The following ADGRL3 variants were observed in gnomAD, a reference collection of about 807,000 sequenced individuals.
ADGRL3 encodes the protein adhesion G protein-coupled receptor L3, also known as calcium-independent alpha-latrotoxin receptor 3.
Under a neutral mutation model 153.5 loss-of-function variants are expected in ADGRL3, and 62 were observed. The observed-to-expected ratio is 0.40, with a 90% confidence interval of 0.33 to 0.50. ADGRL3 has a LOEUF of 0.50. Ranked by LOEUF, ADGRL3 falls within the 20% of genes least tolerant of loss-of-function variation. The probability of loss-of-function intolerance (pLI) is 0.47; values close to 1 mark genes in which losing one functional copy is unlikely to be tolerated. For synonymous variants in ADGRL3, 710 were observed against 672.5 expected (o/e 1.06, Z -0.86); for missense variants, 1,641 against 1,859.4 (o/e 0.88, Z 2.16).
chr4:61,380,236 CTCTT>C (rs1173781554), intron 1 of ADGRL3, among the ~76,000 whole-genome samples: 1 of 151,878 alleles, frequency 6.6e-6, no homozygotes, highest in South Asian at 2.1e-4. Flanking sequence ...ATGTATCTAT[CTCTT>C]TCTTTCACTT....
intron 1 of ADGRL3, among the ~76,000 whole-genome samples, chr4:61,241,429 A>G (rs1754921165): frequency 6.6e-6 from 1 of 152,196 alleles, no homozygotes; most frequent in East Asian, 1.9e-4. Context: ...ATTAGGTATC[A>G]ATATACTGAA....
intron 2 of ADGRL3, among the ~76,000 whole-genome samples, chr4:61,416,489 T>C (rs2152303626): frequency 6.6e-6 from 1 of 152,318 alleles, no homozygotes; most frequent in Non-Finnish European, 1.5e-5. Context: ...AAAAGGACAG[T>C]TGAACATTAA....
chr4:61,208,349 A>T (rs1040351447), intron 1 of ADGRL3, among the ~76,000 whole-genome samples: 42 of 152,282 alleles, frequency 2.8e-4, no homozygotes, highest in African/African-American at 1.0e-3. Flanking sequence ...CCAAATTCAC[A>T]GAAGATTATG....
chr4:62,047,454 A>G (rs1473019266), intron 25 of ADGRL3, among the ~76,000 whole-genome samples: 1 of 151,922 alleles, frequency 6.6e-6, no homozygotes, highest in Non-Finnish European at 1.5e-5. Context: ...CTACTTTTCA[A>G]TGGTATTTAT....
chr4:61,651,578 T>C (rs1178743869), intron 5 of ADGRL3, among the ~76,000 whole-genome samples: 8 of 151,946 alleles, frequency 5.3e-5, no homozygotes, highest in South Asian at 2.1e-4. Context: ...AATAAATAAA[T>C]TTTTTTTGTG....
At chr4:61,562,944 CAAAAAAAAAAAA>C (rs35146786) in intron 4 of ADGRL3, among the ~76,000 whole-genome samples, 1 of 105,982 alleles carries the variant, frequency 9.4e-6, no homozygotes, top group Non-Finnish European at 2.0e-5. Flanking sequence ...GACCCTGTCT[CAAAAAAAAAAAA>C]AAAAAAAAGG....
At chr4:61,481,410 G>T (rs1487825317) in intron 2 of ADGRL3, among the ~76,000 whole-genome samples, 2 of 151,986 alleles carry the variant, frequency 1.3e-5, no homozygotes, top group African/African-American at 4.8e-5. Flanking sequence ...ACTCTAAAAG[G>T]CCGAAAAGAG....
intron 9 of ADGRL3, among the ~76,000 whole-genome samples, chr4:61,826,559 C>T (rs2097803203): frequency 6.6e-6 from 1 of 152,142 alleles, no homozygotes. Context: ...GGACCTAAAT[C>T]ATACCACAAT....
At chr4:61,373,295 A>AT (rs2096562932) in intron 1 of ADGRL3, among the ~76,000 whole-genome samples, 1 of 152,036 alleles carries the variant, frequency 6.6e-6, no homozygotes, top group Non-Finnish European at 1.5e-5. Flanking sequence ...TTTGCTCTTG[A>AT]TTTTTTATTG....
Position 62,031,662 on chromosome 4 carries a change from C to T in ADGRL3, c.3591+52C>T, listed in dbSNP as rs535151237. 3 of 1,238,886 alleles carry T rather than the reference C, an allele frequency of 2.4e-6. No individual in the cohort carries two copies. The South Asian group carries it at 4.1e-5, about 17-fold the overall frequency. The allele number at this position is 1,238,886 out of a possible 1,614,324, so 76.7% of individuals were successfully genotyped here. A position where few individuals can be genotyped will look rare whatever the true frequency, so the allele number is the denominator to read the frequency against. Reference sequence around the variant, plus strand: ...AAAAATGGCATACATTTCATGATAGCAAAGCAGCCACAACATATTCTAATA... The same window carrying T: ...AAAAATGGCATACATTTCATGATAGTAAAGCAGCCACAACATATTCTAATA... On this transcript the variant is annotated intron_variant, in intron 23 of 26. Coordinates refer to ENST00000683033, the MANE Select transcript of ADGRL3 (RefSeq NM_001387552.1).
At chr4:61,236,953 C>T (rs765058935) in intron 1 of ADGRL3, among the ~76,000 whole-genome samples, 2 of 152,076 alleles carry the variant, frequency 1.3e-5, no homozygotes, top group African/African-American at 2.4e-5. Context: ...GATATTATTA[C>T]ATTAATATCT....
chr4:61,877,051 C>G lies in ADGRL3; in HGVS notation c.1481-15605C>G, dbSNP rs1006733998. Among the ~76,000 whole-genome samples the G allele has an allele frequency of 7.9e-5, 12 of 152,090 alleles. No individual in the cohort carries two copies. The East Asian group carries it at 2.3e-3, about 30-fold the overall frequency. On this transcript the variant is annotated intron_variant, in intron 9 of 26. Transcript: ENST00000683033. Reference sequence around the variant, plus strand: ...CTCAAGTGGAGGTTTGAGAGGTTAGCAGAACATGGATTGGAGGGCTTTTTA... The same window carrying G: ...CTCAAGTGGAGGTTTGAGAGGTTAGGAGAACATGGATTGGAGGGCTTTTTA...
chr4:61,938,882 A>AT (rs1297151347), intron 15 of ADGRL3, among the ~76,000 whole-genome samples: 2 of 151,232 alleles, frequency 1.3e-5, no homozygotes, highest in Non-Finnish European at 2.9e-5. Context: ...AAAAAAAAAA[A>AT]AAAAATTTTT....
At chr4:61,255,495 A>T (rs2091879218) in intron 1 of ADGRL3, among the ~76,000 whole-genome samples, 1 of 152,162 alleles carries the variant, frequency 6.6e-6, no homozygotes, top group Non-Finnish European at 1.5e-5. Context: ...TACATGTCTG[A>T]TATGTTCTGA....
At chr4:61,528,689 G>T (rs1213316467) in intron 4 of ADGRL3, among the ~76,000 whole-genome samples, 1 of 152,098 alleles carries the variant, frequency 6.6e-6, no homozygotes, top group Non-Finnish European at 1.5e-5. Flanking sequence ...GATGCAGATG[G>T]GGGTAGGTTT....
At chr4:61,307,813 A>G (rs2150456599) in intron 1 of ADGRL3, among the ~76,000 whole-genome samples, 1 of 152,346 alleles carries the variant, frequency 6.6e-6, no homozygotes, top group Admixed American at 6.5e-5. Context: ...TTGGATAATT[A>G]GCAATTTGAG....
chr4:61,456,171 T>C (rs1291911965), intron 2 of ADGRL3, among the ~76,000 whole-genome samples: 3 of 151,574 alleles, frequency 2.0e-5, no homozygotes, highest in Non-Finnish European at 2.9e-5. Flanking sequence ...ATGAAGCCTA[T>C]TACTTTAAAA....
intron 1 of ADGRL3, among the ~76,000 whole-genome samples, chr4:61,255,128 T>C (rs1419929965): frequency 6.6e-6 from 1 of 152,188 alleles, no homozygotes; most frequent in Non-Finnish European, 1.5e-5. Context: ...ATCTCCTGAC[T>C]GCTAAATTCA....
intron 1 of ADGRL3, among the ~76,000 whole-genome samples, chr4:61,378,941 G>C (rs1327842447): frequency 1.3e-5 from 2 of 151,880 alleles, no homozygotes; most frequent in African/African-American, 4.8e-5. Flanking sequence ...TTGGACTTTT[G>C]CCTTTAAAGT....
Sources: allele counts gnomAD v4.1 joint callset (sites outside exome capture counted in the v4.1 genomes callset), GRCh38; gene constraint gnomAD v4.1.1; transcripts MANE v1.5; gene names NCBI Gene and HGNC (gene_info 2026-07-23, HGNC 2026-07-21).